Variants in CASP4 observed in about 807,000 individuals in gnomAD.
CASP4 encodes caspase-4.
In CASP4, 29 loss-of-function variants were observed where a neutral mutation model predicts 41.3. That is an observed-to-expected ratio of 0.70 (90% CI 0.52 to 0.96). The LOEUF is 0.96. Ranked by LOEUF, CASP4 falls within the 40% of genes least tolerant of loss-of-function variation. The probability of loss-of-function intolerance (pLI) is 0.00; values close to 1 mark genes in which losing one functional copy is unlikely to be tolerated. For missense variants in CASP4, 447 were observed against 460.6 expected (o/e 0.97, Z 0.27); for synonymous variants, 185 against 158.4 (o/e 1.17, Z -1.26).
At chr11:104,955,644 G>A (rs1860721291) in intron 1 of CASP4, among the ~76,000 whole-genome samples, 1 of 152,020 alleles carries the variant, frequency 6.6e-6, no homozygotes, top group African/African-American at 2.4e-5. Context: ...ATTTAAAATT[G>A]AAAGTAACCT....
chr11:104,950,344 CCCCA>C (rs1170403791), intron 4 of CASP4, among the ~76,000 whole-genome samples: 120 of 152,270 alleles, frequency 7.9e-4, no homozygotes, highest in African/African-American at 2.8e-3. Context: ...AAACGTTGCT[CCCCA>C]CCCTACAATT....
chr11:104,951,711 A>T, intron 3 of CASP4, 185 bp downstream of exon 3: 1 of 644,544 alleles, frequency 1.6e-6, no homozygotes, highest in Non-Finnish European at 2.9e-6. Context: ...AATGATCTGC[A>T]TCATGGATTG....
In CASP4 at chr11:104,947,132, C is replaced by A; in HGVS notation, c.986G>T (p.Cys329Phe). Residue 329 changes from cysteine to phenylalanine, a missense_variant, in exon 7 of 9, where the codon TGC becomes TTC. Coordinates refer to ENST00000444739, the MANE Select transcript of CASP4 (RefSeq NM_001225.4). ...GSIFITQLIT[C>F]FQKYSWCCHL... ...GCAGCACCAAGAATATTTCTGGAAG[C>A]ATGTGATGAGTTGTGTGATGAAGAT... 6.2e-7 allele frequency: 1 copy of A among 1,613,056 alleles called. No homozygotes were observed. Among genetic ancestry groups the A allele is most frequent in the South Asian group, 1.1e-5 (1 of 91,036 alleles).
chr11:104,949,326 C>G, intron 5 of CASP4: 1 of 583,284 alleles, frequency 1.7e-6, no homozygotes, highest in Non-Finnish European at 3.1e-6. Flanking sequence ...ATCTCCTTCA[C>G]CACTTACTGT....
chr11:104,968,142 A>T (rs1484799691), intron 1 of CASP4, among the ~76,000 whole-genome samples: 2 of 152,214 alleles, frequency 1.3e-5, no homozygotes, highest in Admixed American at 6.5e-5. Context: ...AGGCTCTCAG[A>T]TCTGATTCTG....
chr11:104,956,402 A>G (rs1416368043), intron 1 of CASP4, among the ~76,000 whole-genome samples: 1 of 152,094 alleles, frequency 6.6e-6, no homozygotes, highest in Non-Finnish European at 1.5e-5. Flanking sequence ...CATCATGCCA[A>G]GTGCATTACT....
At chr11:104,959,289 T>C (rs1319520640) in intron 1 of CASP4, among the ~76,000 whole-genome samples, 2 of 152,154 alleles carry the variant, frequency 1.3e-5, no homozygotes, top group Non-Finnish European at 2.9e-5. Context: ...TCTGACAATA[T>C]TGATGAACAT....
chr11:104,964,764 G>A (rs1485388905), intron 1 of CASP4, among the ~76,000 whole-genome samples: 1 of 152,170 alleles, frequency 6.6e-6, no homozygotes, highest in East Asian at 1.9e-4. Context: ...GTTATCTTGG[G>A]ACCTTGAGAG....
At chr11:104,967,094 T>G (rs1860991324) in intron 1 of CASP4, among the ~76,000 whole-genome samples, 1 of 152,200 alleles carries the variant, frequency 6.6e-6, no homozygotes, top group South Asian at 2.1e-4. Context: ...ACAGTTTTGG[T>G]TCCAGGCAAA....
rs1444471923 is a variant in CASP4 at position 104,948,546 on chromosome 11, G to C, written c.912C>G (p.Cys304Trp). 1.2e-6 allele frequency: 2 copies of C among 1,606,268 alleles called. No homozygotes were observed. Among genetic ancestry groups the C allele is most frequent in the Admixed American group, 3.4e-5 (2 of 59,648 alleles). The change falls in exon 6 of 9, where the codon TGC becomes TGG. Residue 304 changes from cysteine (C) to tryptophan (W), a missense_variant. Physicochemically the swap from Cys to Trp is radical, Grantham distance 215. Coordinates refer to ENST00000444739, the MANE Select transcript of CASP4 (RefSeq NM_001225.4). Reference protein sequence around the residue: ...THVEKDFIAFCSSTPHNVSWR... With the variant: ...THVEKDFIAFWSSTPHNVSWR... ...AAAGATACATACGTGGCGTTGAAGA[G>C]CAGAAAGCAATGAAGTCCTTCTCCA...
Position 104,960,412 on chromosome 11 carries a change from C to A in CASP4, c.8-5411G>T, listed in dbSNP as rs56124190. Among the ~76,000 whole-genome samples the A allele has an allele frequency of 8.7e-3, 1,320 of 152,166 alleles. 17 individuals carry two copies. Among genetic ancestry groups the A allele is most frequent in the Middle Eastern group, 0.024 (7 of 292 alleles). On this transcript the variant is annotated intron_variant, in intron 1 of 8. Transcript: ENST00000444739. ...GAGGAGACAGCATCAGAGATATATGCTCCTAGGGCACCTTGTATCTCCTTA... is the reference window on the plus strand; with the variant it reads ...GAGGAGACAGCATCAGAGATATATGATCCTAGGGCACCTTGTATCTCCTTA...
chr11:104,950,809 C>CACACACAT (rs1860590278), intron 4 of CASP4, 116 bp downstream of exon 4: 2 of 831,096 alleles, frequency 2.4e-6, no homozygotes, highest in South Asian at 3.5e-5. Context: ...CACACACACA[C>CACACACAT]ACACACACAC....
intron 7 of CASP4, 109 bp downstream of exon 7, chr11:104,946,966 ACTGGGTAC>A: frequency 1.5e-6 from 1 of 688,320 alleles, no homozygotes; most frequent in Non-Finnish European, 2.6e-6. Flanking sequence ...AATGACAGAA[ACTGGGTAC>A]CTCTCTACTT....
At chr11:104,944,393 T>C (rs539756190) in intron 8 of CASP4, 111 of 189,306 alleles carry the variant, frequency 5.9e-4, no homozygotes, top group African/African-American at 2.7e-3. Flanking sequence ...TGTGTGTGTG[T>C]GTAAGAAAGG....
chr11:104,945,735 A>G (rs1215280986), intron 7 of CASP4, among the ~76,000 whole-genome samples: 1 of 152,184 alleles, frequency 6.6e-6, no homozygotes, highest in African/African-American at 2.4e-5. Flanking sequence ...CACTTATCCA[A>G]GAAGATTTAA....
chr11:104,944,912 T>C, intron 7 of CASP4, 61 bp from the exon 8 acceptor site: 1 of 1,143,710 alleles, frequency 8.7e-7, no homozygotes, highest in Non-Finnish European at 1.3e-6. Flanking sequence ...GAAAGCATCT[T>C]TCACCATGTA....
rs1276183574 is a variant in CASP4 at position 104,949,595 on chromosome 11, G to T, written c.729C>A (p.Cys243Ter). 8.1e-6 allele frequency: 13 copies of T among 1,613,838 alleles called. No homozygotes were observed. The highest frequency in any genetic ancestry group is 1.0e-5 in the Non-Finnish European group (12 of 1,179,886). ...CCTTGGGTTTGTCCTTCAGACTGAG[G>T]CAGTTGCGGTTGTTGAATATCTGGA... ...TIFQIFNNRN[C>*]LSLKDKPKVI... is the part of the protein sequence containing the mutation. The change falls in exon 5 of 9, where the codon TGC becomes TGA. Residue 243 changes from cysteine (C) to a stop codon, truncating the protein, a stop_gained. Coordinates refer to ENST00000444739, the MANE Select transcript of CASP4 (RefSeq NM_001225.4). LOFTEE classifies it high-confidence loss of function.
chr11:104,963,293 G>A (rs965694256), intron 1 of CASP4, among the ~76,000 whole-genome samples: 2 of 152,006 alleles, frequency 1.3e-5, no homozygotes, highest in Non-Finnish European at 2.9e-5. Flanking sequence ...CACATAAGAG[G>A]CACTAAGATA....
intron 3 of CASP4, 80 bp downstream of exon 3, chr11:104,951,816 A>G: frequency 1.1e-6 from 1 of 897,944 alleles, no homozygotes; most frequent in Non-Finnish European, 1.8e-6. Flanking sequence ...CCAATCATTT[A>G]GTGCTGTAAG....
Sources: allele counts gnomAD v4.1 joint callset (sites outside exome capture counted in the v4.1 genomes callset), GRCh38; gene constraint gnomAD v4.1.1; transcripts MANE v1.5; gene names NCBI Gene and HGNC (gene_info 2026-07-23, HGNC 2026-07-21).